Variants in ZNF277 observed in about 807,000 individuals in gnomAD.
ZNF277 encodes nuclear receptor-interacting factor 4.
Under a neutral mutation model 60.7 loss-of-function variants are expected in ZNF277, and 55 were observed. The ratio of observed to expected loss-of-function variants is 0.91; its 90% CI spans 0.73 to 1.13. ZNF277 has a LOEUF of 1.13. ZNF277 is among the 50% of genes most tolerant of loss of function. The pLI, the probability that ZNF277 is intolerant of heterozygous loss-of-function variation, is 0.00. For synonymous variants in ZNF277, 178 were observed against 179.3 expected, an observed-to-expected ratio of 0.99 and a Z score of 0.06; for missense variants, 510 against 523.0, an observed-to-expected ratio of 0.98 and a Z score of 0.24.
intron 5 of ZNF277, among the ~76,000 whole-genome samples, chr7:112,320,969 TG>T (rs1792968026): frequency 1.4e-5 from 2 of 139,092 alleles, no homozygotes; most frequent in Non-Finnish European, 3.1e-5. Context: ...TCGCCCAGCC[TG>T]GAGTGCAGTG....
At chr7:112,207,659 A>ATTTTTGTCT (rs1821585386) in intron 1 of ZNF277, among the ~76,000 whole-genome samples, 2 of 141,156 alleles carry the variant, frequency 1.4e-5, no homozygotes, top group South Asian at 4.7e-4. Flanking sequence ...CCCCCACCCC[A>ATTTTTGTCT]TTTTTGTCTT....
intron 1 of ZNF277, among the ~76,000 whole-genome samples, chr7:112,248,915 T>A (rs1013988665): frequency 2.0e-5 from 3 of 152,108 alleles, no homozygotes; most frequent in African/African-American, 7.2e-5. Context: ...TGGAAGAAAT[T>A]TGCCTTATAA....
chr7:112,283,679 G>C (rs1791997965), intron 1 of ZNF277, among the ~76,000 whole-genome samples: 1 of 152,008 alleles, frequency 6.6e-6, no homozygotes, highest in African/African-American at 2.4e-5. Flanking sequence ...CATTCTCTTA[G>C]GAACAATTTG....
intron 4 of ZNF277, among the ~76,000 whole-genome samples, chr7:112,312,362 TA>T (rs1321903992): frequency 6.6e-6 from 1 of 152,048 alleles, no homozygotes; most frequent in African/African-American, 2.4e-5. Context: ...GGAGGAACAT[TA>T]AAAGACATTC....
rs186491303 is a variant in ZNF277 at position 112,240,286 on chromosome 7, A to T, written c.91+33479A>T. ...CTCCAGTGTTACATCAAGTTAAAAA[A>T]GCTTTTACACAGCAAAGGGGTGGTT... On this transcript the variant is annotated intron_variant, in intron 1 of 11. Coordinates refer to ENST00000361822, the MANE Select transcript of ZNF277 (RefSeq NM_021994.3). Among the ~76,000 whole-genome samples, 297 of 152,296 alleles carry T rather than the reference A, an allele frequency of 2.0e-3. 1 individual carries two copies. Among genetic ancestry groups the T allele is most frequent in the Middle Eastern group, 0.014 (4 of 294 alleles).
At chr7:112,230,186 G>A (rs1047999482) in intron 1 of ZNF277, among the ~76,000 whole-genome samples, 3 of 152,088 alleles carry the variant, frequency 2.0e-5, no homozygotes, top group African/African-American at 7.2e-5. Flanking sequence ...CAGCACTCTG[G>A]GAGGCCAAGG....
chr7:112,223,695 G>A (rs1216233423), intron 1 of ZNF277, among the ~76,000 whole-genome samples: 1 of 152,198 alleles, frequency 6.6e-6, no homozygotes, highest in Non-Finnish European at 1.5e-5. Flanking sequence ...TTTGTCCAGG[G>A]ATGGCTGCAA....
At chr7:112,264,461 G>A (rs534792756) in intron 1 of ZNF277, among the ~76,000 whole-genome samples, 7 of 152,084 alleles carry the variant, frequency 4.6e-5, no homozygotes, top group Non-Finnish European at 1.0e-4. Flanking sequence ...AACAAGAAAT[G>A]TATGCAACCT....
At chr7:112,251,696 A>G (rs146825433) in intron 1 of ZNF277, among the ~76,000 whole-genome samples, 5 of 152,330 alleles carry the variant, frequency 3.3e-5, no homozygotes, top group Admixed American at 6.5e-5. Context: ...CTGTGTCCTT[A>G]TCTGAAAAGT....
At chr7:112,310,338 C>T (rs1368785819) in intron 4 of ZNF277, among the ~76,000 whole-genome samples, 2 of 151,926 alleles carry the variant, frequency 1.3e-5, no homozygotes, top group East Asian at 3.9e-4. Flanking sequence ...TAAGTTATCT[C>T]CTAGGAACAG....
At chr7:112,255,120 A>G (rs1031516816) in intron 1 of ZNF277, among the ~76,000 whole-genome samples, 8 of 152,176 alleles carry the variant, frequency 5.3e-5, no homozygotes, top group African/African-American at 1.9e-4. Flanking sequence ...AATTGTGTGG[A>G]TGCTGACAAA....
At chr7:112,324,847 A>G (rs534534662) in intron 5 of ZNF277, among the ~76,000 whole-genome samples, 7 of 152,274 alleles carry the variant, frequency 4.6e-5, no homozygotes, top group African/African-American at 1.7e-4. Context: ...GAGATTCAAG[A>G]AAGCCAGTGG....
intron 1 of ZNF277, among the ~76,000 whole-genome samples, chr7:112,213,650 C>T (rs1346244928): frequency 6.6e-6 from 1 of 152,110 alleles, no homozygotes; most frequent in Non-Finnish European, 1.5e-5. Flanking sequence ...GAGTAGCTTG[C>T]CCAAAGTCAC....
intron 1 of ZNF277, among the ~76,000 whole-genome samples, chr7:112,222,951 G>T (rs1026555634): frequency 1.3e-5 from 2 of 152,136 alleles, no homozygotes; most frequent in African/African-American, 4.8e-5. Flanking sequence ...TAGCCTCCCA[G>T]CCTGCATCTT....
At chr7:112,297,498 T>G (rs997097173) in intron 4 of ZNF277, among the ~76,000 whole-genome samples, 2 of 152,186 alleles carry the variant, frequency 1.3e-5, no homozygotes, top group Non-Finnish European at 1.5e-5. Context: ...TCATATAATT[T>G]AAGAAAGTCC....
At chr7:112,233,109 G>A (rs924777984) in intron 1 of ZNF277, among the ~76,000 whole-genome samples, 4 of 151,898 alleles carry the variant, frequency 2.6e-5, no homozygotes, top group Non-Finnish European at 4.4e-5. Flanking sequence ...TTAATGCTTC[G>A]TTTTCATTAT....
chr7:112,326,650 A>G (rs1031630284), intron 5 of ZNF277, among the ~76,000 whole-genome samples: 2 of 152,052 alleles, frequency 1.3e-5, no homozygotes, highest in Non-Finnish European at 2.9e-5. Flanking sequence ...TTAAAAAAAA[A>G]AAAAGTCAAC....
At chr7:112,337,636 T>G in intron 8 of ZNF277, 94 bp from the exon 9 acceptor site, 1 of 1,062,358 alleles carries the variant, frequency 9.4e-7, no homozygotes, top group Non-Finnish European at 1.3e-6. Context: ...TTGGCAGGGT[T>G]TTTTAGTAAG....
chr7:112,219,165 G>A (rs1316231128), intron 1 of ZNF277, among the ~76,000 whole-genome samples: 1 of 152,112 alleles, frequency 6.6e-6, no homozygotes, highest in African/African-American at 2.4e-5. Context: ...CCTAACAGGG[G>A]ATATCTCTTC....
Sources: allele counts gnomAD v4.1 joint callset (sites outside exome capture counted in the v4.1 genomes callset), GRCh38; gene constraint gnomAD v4.1.1; transcripts MANE v1.5; gene names NCBI Gene and HGNC (gene_info 2026-07-23, HGNC 2026-07-21).